The following RIMS2 variants were observed in gnomAD, a reference collection of about 807,000 sequenced individuals.
The protein encoded by RIMS2 is regulating synaptic membrane exocytosis protein 2.
RIMS2 carries 59 observed loss-of-function variants against 174.4 expected under a neutral mutation model. That is an observed-to-expected ratio of 0.34 (90% CI 0.27 to 0.42). The LOEUF (loss-of-function observed/expected upper bound fraction) is 0.42. Among genes scored for constraint, RIMS2 ranks in the 10% least tolerant of loss-of-function variants. The pLI is 1.00. For synonymous variants in RIMS2, 606 were observed against 572.5 expected (o/e 1.06, Z -0.84); for missense variants, 1,620 against 1,666.3 (o/e 0.97, Z 0.48).
chr8:103,721,151 G>A (rs910869417), intron 2 of RIMS2, among the ~76,000 whole-genome samples: 1 of 152,144 alleles, frequency 6.6e-6, no homozygotes, highest in Admixed American at 6.6e-5. Flanking sequence ...GGCCATGTAA[G>A]ATGTGCTGGC....
At chr8:103,540,460 A>C (rs1842021272) in intron 1 of RIMS2, among the ~76,000 whole-genome samples, 1 of 152,236 alleles carries the variant, frequency 6.6e-6, no homozygotes, top group Non-Finnish European at 1.5e-5. Flanking sequence ...CACTGGTGCC[A>C]GAACATCTGT....
intron 2 of RIMS2, among the ~76,000 whole-genome samples, chr8:103,741,921 A>G (rs2097765679): frequency 6.6e-6 from 1 of 152,086 alleles, no homozygotes; most frequent in Admixed American, 6.6e-5. Context: ...TAAGTATGTT[A>G]ATACAGATCA....
intron 2 of RIMS2, among the ~76,000 whole-genome samples, chr8:103,720,789 T>C (rs1295494549): frequency 1.3e-5 from 2 of 152,228 alleles, no homozygotes; most frequent in African/African-American, 4.8e-5. Context: ...TTTTGAGTAG[T>C]TTAAAAGGCA....
At chr8:103,524,261 A>G (rs1832970062) in intron 1 of RIMS2, among the ~76,000 whole-genome samples, 1 of 152,108 alleles carries the variant, frequency 6.6e-6, no homozygotes, top group Non-Finnish European at 1.5e-5. Context: ...GAGAATTGGA[A>G]TGGATGAATG....
At chr8:103,623,354 T>G (rs2095682542) in intron 1 of RIMS2, among the ~76,000 whole-genome samples, 1 of 152,114 alleles carries the variant, frequency 6.6e-6, no homozygotes, top group Non-Finnish European at 1.5e-5. Flanking sequence ...TATAAAATTT[T>G]TTATATGTTT....
chr8:104,006,710 G>C (rs2095597066), intron 17 of RIMS2, among the ~76,000 whole-genome samples: 1 of 150,260 alleles, frequency 6.7e-6, no homozygotes, highest in Non-Finnish European at 1.5e-5. Context: ...TCTCAAGTGT[G>C]TATTTTTACA....
At chr8:103,694,781 C>T (rs1353075407) in intron 1 of RIMS2, among the ~76,000 whole-genome samples, 3 of 152,180 alleles carry the variant, frequency 2.0e-5, no homozygotes, top group Admixed American at 2.0e-4. Flanking sequence ...TGGCCTGATA[C>T]TGGGTTGTGC....
rs189727550 is a variant in RIMS2 at position 103,605,674 on chromosome 8, C to T, written c.177-91412C>T. ...AAACTATTGAGTATTGCCACAATTTCTGATCCTGTTATTGATCTGTTCAGA... is the reference window on the plus strand; with the variant it reads ...AAACTATTGAGTATTGCCACAATTTTTGATCCTGTTATTGATCTGTTCAGA... On this transcript the variant is annotated intron_variant, in intron 1 of 23. Coordinates refer to ENST00000504942, the Ensembl canonical transcript of RIMS2. 9.8e-5 allele frequency among the ~76,000 whole-genome samples: 15 copies of T among 152,290 alleles called. No individual in the cohort carries two copies. The East Asian group carries it at 2.7e-3, about 27-fold the overall frequency.
intron 2 of RIMS2, among the ~76,000 whole-genome samples, chr8:103,754,446 C>T (rs1030725264): frequency 1.3e-5 from 2 of 152,026 alleles, no homozygotes; most frequent in African/African-American, 4.8e-5. Context: ...CTATTAAGTC[C>T]GCTTGGTGCA....
intron 3 of RIMS2, among the ~76,000 whole-genome samples, chr8:103,873,228 A>G (rs758699026): frequency 6.6e-6 from 1 of 152,218 alleles, no homozygotes; most frequent in East Asian, 1.9e-4. Flanking sequence ...GGAAGTGAGC[A>G]TAAGTAGCAA....
chr8:103,806,582 T>C (rs1477305512), intron 3 of RIMS2, among the ~76,000 whole-genome samples: 5 of 151,950 alleles, frequency 3.3e-5, no homozygotes. Context: ...GATACTATTG[T>C]AGGGTTTAAA....
At chr8:104,194,671 A>G (rs2099015131) in intron 19 of RIMS2, among the ~76,000 whole-genome samples, 1 of 152,156 alleles carries the variant, frequency 6.6e-6, no homozygotes, top group South Asian at 2.1e-4. Context: ...GAATCAATGA[A>G]TAAATAGACA....
chr8:103,792,743 A>T (rs1345214488), intron 3 of RIMS2, among the ~76,000 whole-genome samples: 2 of 152,074 alleles, frequency 1.3e-5, no homozygotes, highest in Non-Finnish European at 2.9e-5. Context: ...AAAATGAGAA[A>T]GTGGATGTCA....
chr8:104,096,761 G>A (rs577808169), intron 19 of RIMS2, among the ~76,000 whole-genome samples: 7 of 151,804 alleles, frequency 4.6e-5, no homozygotes, highest in Admixed American at 1.3e-4. Flanking sequence ...CCAGCTACTC[G>A]GGAGGCTGAG....
At chr8:103,900,128 T>C (rs568386898) in intron 4 of RIMS2, among the ~76,000 whole-genome samples, 28 of 151,886 alleles carry the variant, frequency 1.8e-4, no homozygotes, top group Admixed American at 1.5e-3. Flanking sequence ...TGTATCCTTG[T>C]AGTATAGTTT....
chr8:104,163,292 A>T, intron 19 of RIMS2, among the ~76,000 whole-genome samples: 1 of 152,292 alleles, frequency 6.6e-6, no homozygotes, highest in Non-Finnish European at 1.5e-5. Flanking sequence ...TTAGTATAAC[A>T]GTATATTATT....
chr8:103,872,188 T>C (rs1050724012), intron 3 of RIMS2, among the ~76,000 whole-genome samples: 1 of 152,202 alleles, frequency 6.6e-6, no homozygotes, highest in African/African-American at 2.4e-5. Flanking sequence ...GAGATGCTCA[T>C]GATAGACTCT....
intron 3 of RIMS2, among the ~76,000 whole-genome samples, chr8:103,793,062 A>C (rs1328994137): frequency 1.3e-5 from 2 of 152,146 alleles, no homozygotes; most frequent in Non-Finnish European, 2.9e-5. Flanking sequence ...AAAAGAGGGA[A>C]TCCTCCCTAA....
chr8:103,737,416 A>T (rs1270697443), intron 2 of RIMS2, among the ~76,000 whole-genome samples: 2 of 150,646 alleles, frequency 1.3e-5, no homozygotes, highest in Admixed American at 1.3e-4. Flanking sequence ...CAAACTCCCA[A>T]CCTCTGGTGG....
Sources: allele counts gnomAD v4.1 joint callset (sites outside exome capture counted in the v4.1 genomes callset), GRCh38; gene constraint gnomAD v4.1.1; transcripts MANE v1.5; gene names NCBI Gene and HGNC (gene_info 2026-07-23, HGNC 2026-07-21).